The following DIXDC1 variants were observed in gnomAD, a reference collection of about 807,000 sequenced individuals.
DIXDC1 encodes the protein dixin.
Under a neutral mutation model 103.1 loss-of-function variants are expected in DIXDC1, and 64 were observed. The ratio of observed to expected loss-of-function variants is 0.62; its 90% CI spans 0.51 to 0.76. The LOEUF (loss-of-function observed/expected upper bound fraction) is 0.76, where lower values mean the gene tolerates loss of function less well. Among genes scored for constraint, DIXDC1 ranks in the 30% least tolerant of loss-of-function variants. DIXDC1 has a pLI of 0.00. For missense variants in DIXDC1, 759 were observed against 834.2 expected, an observed-to-expected ratio of 0.91 and a Z score of 1.11; for synonymous variants, 266 against 298.5, an observed-to-expected ratio of 0.89 and a Z score of 1.12.
intron 1 of DIXDC1, among the ~76,000 whole-genome samples, chr11:111,942,036 A>G (rs182237453): frequency 0.011 from 1,649 of 152,290 alleles, 13 homozygotes; most frequent in Non-Finnish European, 0.017. Flanking sequence ...CATTTTCACA[A>G]TGAACTCCTC....
At chr11:111,985,042 G>T (rs1401009839) in intron 7 of DIXDC1, among the ~76,000 whole-genome samples, 190 bp from the exon 8 acceptor site, 1 of 152,332 alleles carries the variant, frequency 6.6e-6, no homozygotes, top group African/African-American at 2.4e-5. Flanking sequence ...AAGAGCCAGA[G>T]CATGGACCTA....
upstream of DIXDC1, among the ~76,000 whole-genome samples, chr11:111,936,186 C>G (rs1322257975): frequency 6.6e-6 from 1 of 152,254 alleles, no homozygotes; most frequent in Non-Finnish European, 1.5e-5. Context: ...AAGGCCCTGA[C>G]CTTCTCTGAG....
In DIXDC1 at chr11:111,977,904, T is replaced by A; in HGVS notation, c.657-2833T>A. The A allele has an allele frequency of 7.1e-7, 1 of 1,398,970 alleles. No individual in the cohort carries two copies. The highest frequency in any genetic ancestry group is 9.5e-7 in the Non-Finnish European group (1 of 1,057,300). The allele number at this position is 1,398,970 out of a possible 1,614,324, so 86.7% of individuals were successfully genotyped here. A position where few individuals can be genotyped will look rare whatever the true frequency, so the allele number is the denominator to read the frequency against. On this transcript the variant is annotated intron_variant, in intron 5 of 19. Transcript: ENST00000440460. The surrounding 1 kb of genome is among the most constrained non-coding windows in gnomAD (Gnocchi z 6.1). Reference sequence around the variant, plus strand: ...AGGCGGGGTGGTGGGAGCATTATGTTGGGAGGACCGGCTGCTGACCAGGGG... The same window carrying A: ...AGGCGGGGTGGTGGGAGCATTATGTAGGGAGGACCGGCTGCTGACCAGGGG...
chr11:111,974,353 C>T, intron 4 of DIXDC1, 99 bp downstream of exon 4: 1 of 1,188,654 alleles, frequency 8.4e-7, no homozygotes, highest in Non-Finnish European at 1.2e-6. Flanking sequence ...CCCAAACAGC[C>T]CCAGATTGCA....
chr11:111,973,270 G>A (rs1265605056), intron 3 of DIXDC1, among the ~76,000 whole-genome samples: 6 of 151,852 alleles, frequency 4.0e-5, no homozygotes, highest in Non-Finnish European at 8.8e-5. Flanking sequence ...TACTCAGGAG[G>A]CTGAGGTAGG....
chr11:111,997,856 C>T (rs1555175557), intron 17 of DIXDC1, among the ~76,000 whole-genome samples: 1 of 152,162 alleles, frequency 6.6e-6, no homozygotes, highest in African/African-American at 2.4e-5. Context: ...CACAAATAAG[C>T]TGAAATATCT....
chr11:111,986,588 A>G (rs1337671438), intron 8 of DIXDC1, among the ~76,000 whole-genome samples: 2 of 151,512 alleles, frequency 1.3e-5, no homozygotes, highest in Admixed American at 6.6e-5. Flanking sequence ...GGTCTCTAAC[A>G]CCTGACCTCA....
rs587730714 is a variant in DIXDC1 at position 111,937,479 on chromosome 11, G to C, written c.-21G>C. The C allele has an allele frequency of 5.7e-6, 9 of 1,570,636 alleles. No homozygotes were observed. Among genetic ancestry groups the C allele is most frequent in the Non-Finnish European group, 7.8e-6 (9 of 1,158,572 alleles). On this transcript the variant is annotated 5_prime_UTR_variant, in exon 1 of 20. Coordinates refer to ENST00000440460, the MANE Select transcript of DIXDC1 (RefSeq NM_001037954.4). ...GGCCGCCGGGCTGGAGACCCCGCCC[G>C]GGGAGCCCCCAGCAGGAACAATGCT...
intron 2 of DIXDC1, among the ~76,000 whole-genome samples, chr11:111,932,103 T>C (rs587710436): frequency 7.0e-6 from 1 of 142,042 alleles, no homozygotes; most frequent in South Asian, 2.3e-4. Flanking sequence ...CGATCTCAGC[T>C]CACTGCAACC....
chr11:111,965,600 C>T (rs945680944), intron 2 of DIXDC1, among the ~76,000 whole-genome samples: 4 of 152,056 alleles, frequency 2.6e-5, no homozygotes, highest in Non-Finnish European at 5.9e-5. Flanking sequence ...ATAATGGCAA[C>T]GGTAATAGCA....
At chr11:111,982,615 A>C in intron 7 of DIXDC1, 128 bp downstream of exon 7, 1 of 1,011,236 alleles carries the variant, frequency 9.9e-7, no homozygotes, top group Middle Eastern at 3.3e-4. Context: ...AGATATAGGG[A>C]ATAGCACAGA....
intron 1 of DIXDC1, among the ~76,000 whole-genome samples, chr11:111,956,727 T>C (rs1327772696): frequency 1.3e-5 from 2 of 152,288 alleles, no homozygotes; most frequent in Middle Eastern, 3.4e-3. Context: ...TGACCTCAAG[T>C]GATCCTCCTG....
chr11:111,979,132 T>A (rs1392524765), intron 5 of DIXDC1, among the ~76,000 whole-genome samples: 1 of 152,232 alleles, frequency 6.6e-6, no homozygotes, highest in Non-Finnish European at 1.5e-5. Context: ...AGCTTTAAAA[T>A]GTTTTCTGTG....
intron 17 of DIXDC1, among the ~76,000 whole-genome samples, chr11:112,007,403 A>T (rs587637052): frequency 6.8e-4 from 103 of 152,324 alleles, no homozygotes; most frequent in Middle Eastern, 6.8e-3. Flanking sequence ...ATCCAGGAAT[A>T]CTTACCCAAT....
At chr11:112,016,291 C>A (rs1486379872) in intron 17 of DIXDC1, among the ~76,000 whole-genome samples, 1 of 152,054 alleles carries the variant, frequency 6.6e-6, no homozygotes, top group Non-Finnish European at 1.5e-5. Flanking sequence ...ATCGGTTTTT[C>A]TTTCTATGAG....
At chr11:112,008,170 ACT>A (rs1475230899) in intron 17 of DIXDC1, among the ~76,000 whole-genome samples, 1 of 151,918 alleles carries the variant, frequency 6.6e-6, no homozygotes, top group Non-Finnish European at 1.5e-5. Flanking sequence ...TTGAAATCCT[ACT>A]CTCTGATAAA....
At chr11:111,973,970 T>A in intron 3 of DIXDC1, 53 bp from the exon 4 acceptor site, 2 of 1,563,992 alleles carry the variant, frequency 1.3e-6, no homozygotes, top group South Asian at 2.3e-5. Context: ...AGCTTTTGCC[T>A]CCCTCTTAGG....
intron 17 of DIXDC1, among the ~76,000 whole-genome samples, chr11:112,000,007 G>A (rs2137600205): frequency 6.6e-6 from 1 of 152,216 alleles, no homozygotes; most frequent in Non-Finnish European, 1.5e-5. Context: ...GTGGTGGCAG[G>A]AGTCTGTAAT....
intron 19 of DIXDC1, 86 bp from the exon 20 acceptor site, chr11:112,018,870 G>T: frequency 8.5e-7 from 1 of 1,170,862 alleles, no homozygotes; most frequent in Non-Finnish European, 1.3e-6. Flanking sequence ...CTTCTACATG[G>T]TTGAGGTCTT....
Sources: allele counts gnomAD v4.1 joint callset (sites outside exome capture counted in the v4.1 genomes callset), GRCh38; gene constraint gnomAD v4.1.1; non-coding constraint Gnocchi (gnomAD v3.1); transcripts MANE v1.5; gene names NCBI Gene and HGNC (gene_info 2026-07-23, HGNC 2026-07-21).